The following TLL2 variants were observed in gnomAD, a reference collection of about 807,000 sequenced individuals.
TLL2 encodes tolloid-like protein 2.
A neutral mutation model predicts 123.0 loss-of-function variants in TLL2; 106 were observed. That is an observed-to-expected ratio of 0.86 (90% CI 0.74 to 1.01). The LOEUF (loss-of-function observed/expected upper bound fraction) is 1.01. Ranked by LOEUF, TLL2 falls within the 50% of genes least tolerant of loss-of-function variation. The probability of loss-of-function intolerance (pLI) is 0.00; values close to 1 mark genes in which losing one functional copy is unlikely to be tolerated. For missense variants in TLL2, 1,332 were observed against 1,336.7 expected (o/e 1.00, Z 0.06); for synonymous variants, 494 against 516.8 (o/e 0.96, Z 0.60).
chr10:96,503,767 T>C (rs1031041972), intron 1 of TLL2, among the ~76,000 whole-genome samples: 7 of 152,326 alleles, frequency 4.6e-5, no homozygotes, highest in African/African-American at 1.2e-4. Context: ...GACAGAGTAC[T>C]TGGAAAGCCA....
At chr10:96,476,248 T>TTTTTTTTTTTTTTGTTG (rs1285354320) in intron 2 of TLL2, among the ~76,000 whole-genome samples, 7 of 69,232 alleles carry the variant, frequency 1.0e-4, no homozygotes, top group African/African-American at 1.9e-4. Context: ...ATATTTTATT[T>TTTTTTTTTTTTTTGTTG]TTGTTGTTGT....
intron 5 of TLL2, 106 bp from the exon 6 acceptor site, chr10:96,422,833 G>C: frequency 7.2e-7 from 1 of 1,380,430 alleles, no homozygotes; most frequent in East Asian, 2.3e-5. Flanking sequence ...GCATGTAAAA[G>C]AACAGAATTT....
intron 9 of TLL2, among the ~76,000 whole-genome samples, chr10:96,406,897 C>T (rs1343250861): frequency 6.6e-6 from 1 of 152,140 alleles, no homozygotes; most frequent in African/African-American, 2.4e-5. Context: ...AGCATCCATG[C>T]TGCAGCTCTT....
At chr10:96,472,813 T>A (rs1293730544) in intron 2 of TLL2, among the ~76,000 whole-genome samples, 1 of 152,120 alleles carries the variant, frequency 6.6e-6, no homozygotes, top group Non-Finnish European at 1.5e-5. Flanking sequence ...CAGAAACATG[T>A]TGGATCTCTT....
intron 2 of TLL2, among the ~76,000 whole-genome samples, chr10:96,459,219 G>A (rs1847048669): frequency 6.6e-6 from 1 of 152,116 alleles, no homozygotes; most frequent in African/African-American, 2.4e-5. Flanking sequence ...ATCCTCTCAT[G>A]TTTTTGTAGA....
At chr10:96,442,683 T>A (rs571086908) in intron 3 of TLL2, among the ~76,000 whole-genome samples, 1 of 152,306 alleles carries the variant, frequency 6.6e-6, no homozygotes, top group African/African-American at 2.4e-5. Context: ...AGCCCAAGAT[T>A]TTTTGTTGCA....
chr10:96,460,761 C>T (rs368783499), intron 2 of TLL2, among the ~76,000 whole-genome samples: 7 of 152,276 alleles, frequency 4.6e-5, no homozygotes, highest in East Asian at 1.9e-4. Flanking sequence ...CTTCATAAAT[C>T]GCCCAGTCTC....
At chr10:96,472,673 G>A (rs1847195585) in intron 2 of TLL2, among the ~76,000 whole-genome samples, 1 of 151,718 alleles carries the variant, frequency 6.6e-6, no homozygotes, top group Admixed American at 6.6e-5. Context: ...GAGGTGAGAG[G>A]ATGGCTTGAA....
chr10:96,485,540 G>A (rs1847347943), intron 1 of TLL2, among the ~76,000 whole-genome samples: 1 of 152,130 alleles, frequency 6.6e-6, no homozygotes, highest in Admixed American at 6.5e-5. Flanking sequence ...ATGAAAAGAT[G>A]CTCAAAAGCA....
chr10:96,424,095 C>T (rs1450103629), intron 5 of TLL2, among the ~76,000 whole-genome samples: 1 of 151,820 alleles, frequency 6.6e-6, no homozygotes, highest in Non-Finnish European at 1.5e-5. Flanking sequence ...TTTGTGGTAG[C>T]TAAAAATTAA....
At chr10:96,469,508 C>T (rs988178487) in intron 2 of TLL2, among the ~76,000 whole-genome samples, 1 of 152,202 alleles carries the variant, frequency 6.6e-6, no homozygotes, top group African/African-American at 2.4e-5. Flanking sequence ...TCTGGTGGGG[C>T]CCTGTGCACC....
chr10:96,411,972 T>C (rs909299576), intron 8 of TLL2, among the ~76,000 whole-genome samples: 1 of 152,236 alleles, frequency 6.6e-6, no homozygotes, highest in African/African-American at 2.4e-5. Flanking sequence ...ATCATCAACA[T>C]TCTGCAAGAA....
intron 20 of TLL2, among the ~76,000 whole-genome samples, chr10:96,368,884 C>T (rs1422521390): frequency 3.3e-5 from 5 of 152,218 alleles, no homozygotes; most frequent in African/African-American, 7.2e-5. Flanking sequence ...GTTAACCCCT[C>T]CAAGGGGTTC....
At chr10:96,471,040 C>A (rs1180534064) in intron 2 of TLL2, among the ~76,000 whole-genome samples, 1 of 151,974 alleles carries the variant, frequency 6.6e-6, no homozygotes, top group East Asian at 1.9e-4. Context: ...TGCTCTGTTG[C>A]CCAGGCTGGA....
intron 3 of TLL2, among the ~76,000 whole-genome samples, chr10:96,438,984 T>C (rs1277005216): frequency 1.3e-5 from 2 of 151,910 alleles, no homozygotes; most frequent in Non-Finnish European, 2.9e-5. Context: ...TGAATCAGCC[T>C]TGCATACCTG....
At chr10:96,455,979 T>G (rs1847011958) in intron 2 of TLL2, among the ~76,000 whole-genome samples, 2 of 152,234 alleles carry the variant, frequency 1.3e-5, no homozygotes, top group Non-Finnish European at 2.9e-5. Context: ...TTGGTTATTT[T>G]GTATGTGCCA....
intron 2 of TLL2, among the ~76,000 whole-genome samples, chr10:96,464,238 G>C (rs1847108382): frequency 6.6e-6 from 1 of 151,984 alleles, no homozygotes; most frequent in Non-Finnish European, 1.5e-5. Context: ...ACAAAAATTA[G>C]CCAGGTGTGG....
intron 4 of TLL2, 96 bp from the exon 5 acceptor site, chr10:96,428,844 GCC>G: frequency 2.5e-6 from 2 of 808,006 alleles, no homozygotes. Flanking sequence ...TGCCTTTGTT[GCC>G]CAGGCTGGAG....
chr10:96,468,487 G>C (rs1194658318), intron 2 of TLL2, among the ~76,000 whole-genome samples: 1 of 152,184 alleles, frequency 6.6e-6, no homozygotes, highest in Non-Finnish European at 1.5e-5. Context: ...TCCCCAAGAG[G>C]CCAGTTCTAC....
Sources: gnomAD v4.1 joint callset for allele counts (sites outside exome capture counted in the v4.1 genomes callset) on GRCh38, gnomAD v4.1.1 for gene constraint, MANE v1.5 for transcripts, NCBI Gene and HGNC (gene_info 2026-07-23, HGNC 2026-07-21) for gene names.